Variants in CNTNAP2 observed in about 807,000 individuals in gnomAD.
The protein encoded by CNTNAP2 is contactin associated protein 2, also known as contactin-associated protein-like 2.
In CNTNAP2, 98 loss-of-function variants were observed where a neutral mutation model predicts 155.2. The ratio of observed to expected loss-of-function variants is 0.63; its 90% confidence interval spans 0.54 to 0.75. The LOEUF (loss-of-function observed/expected upper bound fraction) is 0.75. CNTNAP2 is among the 30% of genes least tolerant of loss of function. The pLI is 0.00. For missense variants in CNTNAP2, 1,727 were observed against 1,688.1 expected (o/e 1.02, Z -0.40); for synonymous variants, 651 against 631.2 (o/e 1.03, Z -0.47).
intron 1 of CNTNAP2, among the ~76,000 whole-genome samples, chr7:146,165,852 A>AT (rs1243791167): frequency 2.0e-5 from 3 of 152,222 alleles, no homozygotes; most frequent in African/African-American, 7.2e-5. Flanking sequence ...TAAAAGATGC[A>AT]TTAGGTCATG....
intron 13 of CNTNAP2, among the ~76,000 whole-genome samples, chr7:147,798,488 T>G (rs549263932): frequency 6.6e-6 from 1 of 152,258 alleles, no homozygotes; most frequent in African/African-American, 2.4e-5. Flanking sequence ...ATTCTCTGGG[T>G]TTTTGTCCTG....
intron 3 of CNTNAP2, among the ~76,000 whole-genome samples, chr7:146,919,128 T>G (rs2129219415): frequency 6.6e-6 from 1 of 152,340 alleles, no homozygotes; most frequent in South Asian, 2.1e-4. Context: ...GATTTCACCT[T>G]TCTTTGGTGT....
At chr7:146,790,870 A>G (rs578125178) in intron 2 of CNTNAP2, among the ~76,000 whole-genome samples, 83 of 150,880 alleles carry the variant, frequency 5.5e-4, no homozygotes, top group African/African-American at 1.9e-3. Context: ...CGCCTGGCCG[A>G]TTTGGTCAGT....
At chr7:146,119,109 A>C (rs1466821462) in intron 1 of CNTNAP2, among the ~76,000 whole-genome samples, 3 of 152,108 alleles carry the variant, frequency 2.0e-5, no homozygotes, top group African/African-American at 7.2e-5. Context: ...CTTAATATAA[A>C]ACATTCAAAG....
chr7:148,320,686 C>T (rs1449678253), intron 21 of CNTNAP2, among the ~76,000 whole-genome samples: 2 of 152,038 alleles, frequency 1.3e-5, no homozygotes, highest in African/African-American at 4.8e-5. Context: ...ACCCAGCCAA[C>T]AAAGAATTTT....
At chr7:147,717,799 G>A (rs750775694) in intron 13 of CNTNAP2, among the ~76,000 whole-genome samples, 10 of 151,984 alleles carry the variant, frequency 6.6e-5, no homozygotes, top group Non-Finnish European at 1.0e-4. Flanking sequence ...AGGTGGGAGG[G>A]GTGCTTGAGT....
chr7:148,323,991 C>A (rs1225613557), intron 21 of CNTNAP2, among the ~76,000 whole-genome samples: 4 of 149,700 alleles, frequency 2.7e-5, no homozygotes, highest in African/African-American at 9.9e-5. Context: ...TCAAGTGATT[C>A]TCCTGCCTCA....
At chr7:147,497,042 C>T (rs1467353208) in intron 11 of CNTNAP2, 2 of 152,062 alleles carry the variant, frequency 1.3e-5, no homozygotes, top group South Asian at 2.1e-4. Context: ...AAAATGCAGC[C>T]GTTTCCAAGA....
intron 3 of CNTNAP2, among the ~76,000 whole-genome samples, chr7:146,953,849 G>C (rs564820977): frequency 2.0e-4 from 31 of 151,926 alleles, no homozygotes; most frequent in African/African-American, 7.2e-4. Flanking sequence ...CAAAAAAAGG[G>C]AAATAAGCTA....
intron 13 of CNTNAP2, among the ~76,000 whole-genome samples, chr7:147,898,769 C>A (rs1799813468): frequency 6.6e-6 from 1 of 152,160 alleles, no homozygotes. Flanking sequence ...CTGCCCACCT[C>A]AGCCTCCCAA....
intron 22 of CNTNAP2, among the ~76,000 whole-genome samples, chr7:148,401,230 T>C (rs541615086): frequency 6.6e-6 from 1 of 152,312 alleles, no homozygotes; most frequent in Non-Finnish European, 1.5e-5. Flanking sequence ...GAGAGAGTCC[T>C]GAATGAGGAG....
At position 147,977,716 on chromosome 7, in the gene CNTNAP2, A is replaced by G. The variant is rs1395666786; in HGVS notation, c.2256-146A>G. On this transcript the variant is annotated intron_variant, in intron 14 of 23. Transcript: ENST00000361727. ...CTATGAGACCACCTATGGAAGAGAG[A>G]GAACAACTCTTTAACTGTGGCTTTA... 3 of 1,129,740 alleles carry G rather than the reference A, an allele frequency of 2.7e-6. No individual in the cohort carries two copies. In the East Asian group the frequency reaches 7.6e-5, roughly 29 times the overall value. The allele number at this position is 1,129,740 out of a possible 1,614,324, so 70.0% of individuals were successfully genotyped here.
chr7:147,826,750 GA>G (rs1798457415), intron 13 of CNTNAP2, among the ~76,000 whole-genome samples: 1 of 152,006 alleles, frequency 6.6e-6, no homozygotes, highest in Non-Finnish European at 1.5e-5. Flanking sequence ...TTTTTGAAGT[GA>G]AAAAATATGT....
At chr7:146,389,696 C>CTTTTTTTTTTTTTTTTTTTTTTTTTTTTT (rs1408040421) in intron 1 of CNTNAP2, among the ~76,000 whole-genome samples, 1 of 140,824 alleles carries the variant, frequency 7.1e-6, no homozygotes, top group African/African-American at 2.7e-5. Flanking sequence ...TTTTTCTTTT[C>CTTTTTTTTTTTTTTTTTTTTTTTTTTTTT]TTTTTTCTTT....
intron 13 of CNTNAP2, among the ~76,000 whole-genome samples, chr7:147,832,761 TTTAA>T (rs1459632891): frequency 6.8e-6 from 1 of 147,310 alleles, no homozygotes; most frequent in Non-Finnish European, 1.5e-5. Flanking sequence ...CATATAAACA[TTTAA>T]TTAAATTGTA....
intron 19 of CNTNAP2, 72 bp downstream of exon 19, chr7:148,217,596 G>T: frequency 6.6e-7 from 1 of 1,507,028 alleles, no homozygotes; most frequent in Non-Finnish European, 9.2e-7. Context: ...AGAGTCTATA[G>T]ATTGTTCTTG....
intron 1 of CNTNAP2, among the ~76,000 whole-genome samples, chr7:146,764,582 T>C (rs79595156): frequency 0.04 from 6,146 of 152,048 alleles, 338 homozygotes; most frequent in African/African-American, 0.13. Context: ...TACAGTTCAG[T>C]AGATAATTTG....
chr7:147,741,837 A>G (rs1482181516), intron 13 of CNTNAP2, among the ~76,000 whole-genome samples: 1 of 152,094 alleles, frequency 6.6e-6, no homozygotes, highest in African/African-American at 2.4e-5. Context: ...ATTCCATCCT[A>G]TTTTATGTTA....
chr7:147,345,353 A>G (rs1021659287), intron 9 of CNTNAP2, among the ~76,000 whole-genome samples: 1 of 152,352 alleles, frequency 6.6e-6, no homozygotes, highest in African/African-American at 2.4e-5. Flanking sequence ...AAGCTTACAT[A>G]AATTCCCTTT....
Sources: gnomAD v4.1 joint callset for allele counts (sites outside exome capture counted in the v4.1 genomes callset) on GRCh38, gnomAD v4.1.1 for gene constraint, MANE v1.5 for transcripts, NCBI Gene and HGNC (gene_info 2026-07-23, HGNC 2026-07-21) for gene names.